The following GPHN variants were observed in gnomAD, a reference collection of about 807,000 sequenced individuals.
The protein encoded by GPHN is gephyrin.
GPHN carries 17 observed loss-of-function variants against 95.5 expected under a neutral mutation model. The observed-to-expected ratio is 0.18, with a 90% CI of 0.12 to 0.27. The LOEUF is 0.27. Ranked by LOEUF, GPHN falls within the 10% of genes least tolerant of loss-of-function variation. The pLI is 1.00. For synonymous variants in GPHN, 320 were observed against 322.5 expected (o/e 0.99, Z 0.08); for missense variants, 660 against 978.1 (o/e 0.67, Z 4.34).
At chr14:67,360,919 C>T in the GPHN span, among the ~76,000 whole-genome samples, 7 of 152,274 alleles carry the variant, frequency 4.6e-5, no homozygotes, top group East Asian at 1.4e-3. Context: ...GGCCTCTTAC[C>T]TGAGAAACCT....
intron 8 of GPHN, among the ~76,000 whole-genome samples, chr14:66,957,844 C>G (rs2068634661): frequency 6.6e-6 from 1 of 152,176 alleles, no homozygotes; most frequent in Non-Finnish European, 1.5e-5. Flanking sequence ...TGAGCTCTAC[C>G]TCCTCTCAGA....
At chr14:67,256,186 T>C in the GPHN span, among the ~76,000 whole-genome samples, 1 of 152,234 alleles carries the variant, frequency 6.6e-6, no homozygotes, top group African/African-American at 2.4e-5. Flanking sequence ...TTTTCAGAGA[T>C]ATTAGTTGAA....
chr14:67,130,615 A>G (rs982476250), intron 17 of GPHN, among the ~76,000 whole-genome samples: 2 of 152,058 alleles, frequency 1.3e-5, no homozygotes, highest in African/African-American at 4.8e-5. Context: ...TTTCTTCTGG[A>G]TATATACCCA....
rs758793156 is a variant in GPHN, at chr14:67,058,666, A to G, written c.1024A>G (p.Ile342Val). The G allele has an allele frequency of 1.2e-6, 2 of 1,613,344 alleles. No homozygotes were observed. The highest frequency in any genetic ancestry group is 1.7e-6 in the Non-Finnish European group (2 of 1,179,264). Residue 342 changes from isoleucine to valine, a missense_variant, in exon 11 of 23, where the codon ATC (isoleucine) becomes GTC (valine). Transcript: ENST00000478722. ...ILRASHSAVD[I>V]TKVARRHRMS... ...CTGTTTAGGTCACAGTGCTGTCGAT[A>G]TCACCAAGGTGGCTAGAAGACATCG...
In GPHN at chr14:67,044,970, T is replaced by A. The variant is rs182519261; in HGVS notation, c.1007-13679T>A. ...ATTCTTAACTTTAGAAACCCCAGAT[T>A]TCATCTCCATACAGAATCCTGTACA... On this transcript the variant is annotated intron_variant, in intron 10 of 22. Coordinates refer to ENST00000478722, the MANE Select transcript of GPHN (RefSeq NM_020806.5). Among the ~76,000 whole-genome samples, 881 of 152,226 alleles carry A rather than the reference T, an allele frequency of 5.8e-3. 4 individuals are homozygous for A. Among genetic ancestry groups the A allele is most frequent in the Non-Finnish European group, 8.5e-3 (580 of 68,028 alleles).
chr14:67,391,968 AG>A, the GPHN span, among the ~76,000 whole-genome samples: 1 of 152,310 alleles, frequency 6.6e-6, no homozygotes, highest in African/African-American at 2.4e-5. Context: ...GGACGCCCCA[AG>A]GAACAGAAGG....
chr14:67,098,150 A>T lies in GPHN; in HGVS notation c.1238-2706A>T, dbSNP rs565418029. On this transcript the variant is annotated intron_variant, in intron 12 of 22. Transcript: ENST00000478722. Reference sequence around the variant, plus strand: ...CTAAAACTTAAAGTATAATAATAATAAAAAAAAAGATAAACCTAACCTGGA... The same window carrying T: ...CTAAAACTTAAAGTATAATAATAATTAAAAAAAAGATAAACCTAACCTGGA... Among the ~76,000 whole-genome samples, 7 of 144,112 alleles carry T rather than the reference A, an allele frequency of 4.9e-5. No individual in the cohort carries two copies. In the South Asian group the frequency reaches 6.4e-4, roughly 13 times the overall value. The allele number at this position is 144,112 out of a possible 152,430, so 94.5% of individuals were successfully genotyped here. A position where few individuals can be genotyped will look rare whatever the true frequency, so the allele number is the denominator to read the frequency against.
At chr14:67,342,197 TAAATAAATAAATAAATA>T in the GPHN span, among the ~76,000 whole-genome samples, 10 of 139,148 alleles carry the variant, frequency 7.2e-5, no homozygotes, top group Non-Finnish European at 1.2e-4. Context: ...AATAAATAAA[TAAATAAATAAATAAATA>T]AAATAAAATA....
chr14:67,663,143 T>TCC, the GPHN span: 1 of 1,531,294 alleles, frequency 6.5e-7, no homozygotes, highest in South Asian at 1.2e-5. Flanking sequence ...TCCCATTCTG[T>TCC]CCCTTTGGTT....
chr14:67,604,180 T>C, the GPHN span, among the ~76,000 whole-genome samples: 4 of 152,226 alleles, frequency 2.6e-5, no homozygotes, highest in Non-Finnish European at 4.4e-5. Flanking sequence ...AGGCAAAGAA[T>C]GTCTGTTCCA....
chr14:66,615,190 A>C (rs1226207470), intron 1 of GPHN, among the ~76,000 whole-genome samples: 1 of 152,140 alleles, frequency 6.6e-6, no homozygotes, highest in Non-Finnish European at 1.5e-5. Flanking sequence ...ATGTGTCTTT[A>C]TAGTAGAATG....
chr14:66,534,667 T>C (rs2059069356), intron 1 of GPHN, among the ~76,000 whole-genome samples: 1 of 152,194 alleles, frequency 6.6e-6, no homozygotes, highest in Non-Finnish European at 1.5e-5. Context: ...CCACCAGCAA[T>C]GTAGGAGGGT....
chr14:67,547,886 C>T, the GPHN span, among the ~76,000 whole-genome samples: 8 of 152,236 alleles, frequency 5.3e-5, no homozygotes, highest in East Asian at 1.3e-3. Flanking sequence ...GAGAGAGAGC[C>T]GGATGAAGGG....
rs146671575 is a variant in GPHN, at chr14:66,637,188, G to A, written c.65-43919G>A. Among the ~76,000 whole-genome samples, 499 of 152,152 alleles carry A rather than the reference G, an allele frequency of 3.3e-3. 1 individual carries two copies. The highest frequency in any genetic ancestry group is 0.012 in the African/African-American group (484 of 41,542). The stretch of plus-strand genomic sequence containing the variant: ...AAGATTTTGGTCTTTAGAATATAGG[G>A]TGTGATTTGACTTATAGTTAATAGG... On this transcript the variant is annotated intron_variant, in intron 1 of 22. Transcript: ENST00000478722.
At chr14:67,584,226 C>A in the GPHN span, 2 of 1,131,004 alleles carry the variant, frequency 1.8e-6, no homozygotes, top group Non-Finnish European at 2.5e-6. Context: ...TACCAGTAAC[C>A]ACCAGAGGTC....
chr14:67,603,132 C>A, the GPHN span, among the ~76,000 whole-genome samples: 528 of 152,106 alleles, frequency 3.5e-3, 5 homozygotes, highest in African/African-American at 0.012. Context: ...AGCAGTGGTA[C>A]GGTCATGGCT....
At chr14:66,621,296 T>C (rs1199778879) in intron 1 of GPHN, among the ~76,000 whole-genome samples, 4 of 149,490 alleles carry the variant, frequency 2.7e-5, no homozygotes, top group African/African-American at 9.9e-5. Flanking sequence ...TTCGTATTTG[T>C]AGTAGAGATG....
intron 21 of GPHN, among the ~76,000 whole-genome samples, chr14:67,169,474 G>T (rs1238988893): frequency 6.6e-6 from 1 of 152,142 alleles, no homozygotes; most frequent in Non-Finnish European, 1.5e-5. Context: ...GAAGACAAAG[G>T]ACTACAAAGA....
At chr14:67,699,589 C>CAAAAAAAAA in the GPHN span, among the ~76,000 whole-genome samples, 39 of 50,738 alleles carry the variant, frequency 7.7e-4, no homozygotes, top group African/African-American at 1.4e-3. Flanking sequence ...GACCCTATCT[C>CAAAAAAAAA]AAAAAAAAAA....
Sources: gnomAD v4.1 joint callset for allele counts (sites outside exome capture counted in the v4.1 genomes callset) on GRCh38, gnomAD v4.1.1 for gene constraint, MANE v1.5 for transcripts, NCBI Gene and HGNC (gene_info 2026-07-23, HGNC 2026-07-21) for gene names.